The following SELENOF variants were observed in gnomAD, a reference collection of about 807,000 sequenced individuals.
The protein encoded by SELENOF is selenoprotein F, also known as 15 kDa selenoprotein.
A neutral mutation model predicts 20.5 loss-of-function variants in SELENOF; 16 were observed. The observed-to-expected ratio is 0.78, with a 90% CI of 0.53 to 1.19. The LOEUF is 1.19. SELENOF is among the 50% of genes most tolerant of loss of function. The pLI is 0.00. For missense variants in SELENOF, 215 were observed against 194.2 expected (o/e 1.11, Z -0.64); for synonymous variants, 78 against 74.5 (o/e 1.05, Z -0.24).
At chr1:86,903,211 T>G (rs567523229) in intron 2 of SELENOF, 70 bp downstream of exon 2, 2 of 1,365,032 alleles carry the variant, frequency 1.5e-6, no homozygotes, top group Non-Finnish European at 2.0e-6. Flanking sequence ...TTAAATTGAT[T>G]AAGCAACTTA....
intron 2 of SELENOF, among the ~76,000 whole-genome samples, chr1:86,890,576 A>AG (rs1439644769): frequency 5.9e-5 from 9 of 151,710 alleles, no homozygotes; most frequent in Admixed American, 2.0e-4. Context: ...TGTAGCCTCG[A>AG]CCTCCTAGGC....
chr1:86,873,177 A>T (rs1260456840), intron 3 of SELENOF, among the ~76,000 whole-genome samples: 2 of 151,990 alleles, frequency 1.3e-5, no homozygotes, highest in East Asian at 1.9e-4. Context: ...GGATTGTTTG[A>T]ACCTGGGAGG....
At chr1:86,864,860 C>T (rs961992324) in intron 4 of SELENOF, among the ~76,000 whole-genome samples, 21 of 152,124 alleles carry the variant, frequency 1.4e-4, no homozygotes, top group African/African-American at 4.8e-4. Context: ...TCTCGAACTC[C>T]TGACCTCAGG....
intron 2 of SELENOF, among the ~76,000 whole-genome samples, chr1:86,902,583 G>GT (rs1244153335): frequency 6.6e-6 from 1 of 152,078 alleles, no homozygotes; most frequent in Non-Finnish European, 1.5e-5. Flanking sequence ...ACAAACACAG[G>GT]TATCTTACCA....
intron 2 of SELENOF, among the ~76,000 whole-genome samples, chr1:86,886,189 C>T (rs1405892973): frequency 6.6e-6 from 1 of 152,132 alleles, no homozygotes; most frequent in Non-Finnish European, 1.5e-5. Flanking sequence ...TCCCTAAAAC[C>T]TACCCCAGAT....
At chr1:86,892,214 A>G (rs1659403060) in intron 2 of SELENOF, among the ~76,000 whole-genome samples, 1 of 152,154 alleles carries the variant, frequency 6.6e-6, no homozygotes, top group Non-Finnish European at 1.5e-5. Context: ...CTGGGATTAC[A>G]GGTGTGAGCC....
At chr1:86,882,882 T>C (rs112427352) in intron 2 of SELENOF, among the ~76,000 whole-genome samples, 1,856 of 152,266 alleles carry the variant, frequency 0.012, 47 homozygotes, top group African/African-American at 0.042. Context: ...TTCCAGCACT[T>C]TGGGACGCCG....
chr1:86,878,783 A>G (rs1348189915), intron 3 of SELENOF, among the ~76,000 whole-genome samples: 1 of 152,216 alleles, frequency 6.6e-6, no homozygotes, highest in Admixed American at 6.5e-5. Context: ...CTATTTCAGA[A>G]TATCTTTAAG....
intron 4 of SELENOF, among the ~76,000 whole-genome samples, chr1:86,864,762 G>C (rs569023690): frequency 6.0e-5 from 9 of 150,728 alleles, no homozygotes; most frequent in Non-Finnish European, 1.0e-4. Context: ...TCAGCCTCCC[G>C]AGTAGCTGGG....
At position 86,914,099 on chromosome 1, in the gene SELENOF, C is replaced by G; in HGVS notation, c.13G>C (p.Ala5Pro). Residue 5 changes from alanine (A) to proline (P), a missense_variant, in exon 1 of 5, where the codon GCG becomes CCG. Transcript: ENST00000331835. Reference protein sequence around the residue: MVAMAAGPSGCLVPA... With the variant: MVAMPAGPSGCLVPA... The stretch of plus-strand genomic sequence containing the variant: ...ACCAGACACCCACTCGGCCCAGCCG[C>G]CATCGCTACCATTTTCCGCAGGTTT... The G allele has an allele frequency of 6.2e-7, 1 of 1,614,020 alleles. No homozygotes were observed. Among genetic ancestry groups the G allele is most frequent in the Non-Finnish European group, 8.5e-7 (1 of 1,179,900 alleles).
intron 3 of SELENOF, 79 bp downstream of exon 3, chr1:86,880,583 G>T: frequency 2.8e-6 from 2 of 711,764 alleles, no homozygotes; most frequent in Non-Finnish European, 4.6e-6. Context: ...CTTATTCCTG[G>T]GAATATATAG....
chr1:86,863,504 T>A lies in SELENOF; in HGVS notation c.468A>T (p.Glu156Asp), dbSNP rs934471617. 1 of 1,612,130 alleles carries A rather than the reference T, an allele frequency of 6.2e-7. No homozygotes were observed. The highest frequency in any genetic ancestry group is 8.5e-7 in the Non-Finnish European group (1 of 1,179,222). The change falls in exon 5 of 5, where the codon GAA (glutamate) becomes GAT (aspartate). Residue 156 changes from glutamate (E) to aspartate (D), a missense_variant. Transcript: ENST00000331835. The part of the protein sequence containing the change: ...ILKWNTDSVE[E>D]FLSEKLERI The stretch of plus-strand genomic sequence containing the variant: ...TGCGTTCCAACTTTTCACTCAGGAA[T>A]TCTTCTACACTGTCTGTGTTCCATT...
intron 2 of SELENOF, among the ~76,000 whole-genome samples, chr1:86,893,970 T>C (rs1240232013): frequency 6.6e-6 from 1 of 152,162 alleles, no homozygotes; most frequent in Non-Finnish European, 1.5e-5. Flanking sequence ...AAGATAAGTG[T>C]TTTTATTATT....
intron 1 of SELENOF, among the ~76,000 whole-genome samples, chr1:86,910,510 C>A (rs1183721298): frequency 6.6e-6 from 1 of 152,046 alleles, no homozygotes; most frequent in Non-Finnish European, 1.5e-5. Flanking sequence ...TCAAGACCAT[C>A]CTGGCCAACA....
At chr1:86,912,484 T>A (rs1660010395) in intron 1 of SELENOF, among the ~76,000 whole-genome samples, 1 of 152,214 alleles carries the variant, frequency 6.6e-6, no homozygotes, top group Non-Finnish European at 1.5e-5. Flanking sequence ...GAAATCTATT[T>A]CTCCATCCCT....
intron 2 of SELENOF, among the ~76,000 whole-genome samples, chr1:86,895,668 C>A (rs753184099): frequency 1.3e-5 from 2 of 152,116 alleles, no homozygotes; most frequent in Non-Finnish European, 1.5e-5. Flanking sequence ...TTAATCAAAA[C>A]TGAACAATAA....
chr1:86,913,315 G>A (rs1660036797), intron 1 of SELENOF, among the ~76,000 whole-genome samples: 1 of 152,150 alleles, frequency 6.6e-6, no homozygotes, highest in African/African-American at 2.4e-5. Flanking sequence ...ATGGATATGA[G>A]AAGAAATAAG....
At chr1:86,894,352 A>G (rs1570396582) in intron 2 of SELENOF, among the ~76,000 whole-genome samples, 1 of 152,038 alleles carries the variant, frequency 6.6e-6, no homozygotes, top group East Asian at 1.9e-4. Flanking sequence ...TGAAATAATT[A>G]TTTTTATATT....
At chr1:86,868,662 A>C (rs547052657) in intron 3 of SELENOF, among the ~76,000 whole-genome samples, 1 of 151,852 alleles carries the variant, frequency 6.6e-6, no homozygotes, top group Admixed American at 6.6e-5. Context: ...TGTTTATAGA[A>C]AAAAAAAATC....
Sources: gnomAD v4.1 joint callset for allele counts (sites outside exome capture counted in the v4.1 genomes callset) on GRCh38, gnomAD v4.1.1 for gene constraint, MANE v1.5 for transcripts, NCBI Gene and HGNC (gene_info 2026-07-23, HGNC 2026-07-21) for gene names.